Variants in HACD2 observed in about 807,000 individuals in gnomAD.
HACD2 encodes the protein 3-hydroxyacyl-CoA dehydratase 2, also known as very-long-chain (3R)-3-hydroxyacyl-CoA dehydratase 2.
In HACD2, 15 loss-of-function variants were observed where a neutral mutation model predicts 31.0. The ratio of observed to expected loss-of-function variants is 0.48; its 90% CI spans 0.32 to 0.75. HACD2 has a LOEUF of 0.75. HACD2 is among the 30% of genes least tolerant of loss of function. The pLI is 0.03. For synonymous variants in HACD2, 115 were observed against 122.2 expected (o/e 0.94, Z 0.39); for missense variants, 283 against 313.0 (o/e 0.90, Z 0.72).
At chr3:123,526,586 A>C (rs1025747116) in intron 4 of HACD2, among the ~76,000 whole-genome samples, 2 of 151,758 alleles carry the variant, frequency 1.3e-5, no homozygotes, top group Admixed American at 1.3e-4. Flanking sequence ...GCAGAAATTG[A>C]GTCACTCTGG....
intron 4 of HACD2, among the ~76,000 whole-genome samples, chr3:123,525,092 A>G (rs1239170552): frequency 6.6e-6 from 1 of 152,224 alleles, no homozygotes; most frequent in Non-Finnish European, 1.5e-5. Flanking sequence ...GATTTTCGCA[A>G]GCATCCTGCT....
chr3:123,499,603 C>A (rs1238076200), intron 6 of HACD2: 2 of 456,078 alleles, frequency 4.4e-6, no homozygotes, highest in Non-Finnish European at 8.8e-6. Flanking sequence ...CCGATGATGC[C>A]ATGCAATGAG....
At chr3:123,552,648 T>C (rs1319366509) in intron 3 of HACD2, among the ~76,000 whole-genome samples, 2 of 151,986 alleles carry the variant, frequency 1.3e-5, no homozygotes, top group African/African-American at 4.8e-5. Flanking sequence ...TTTAACACAA[T>C]AACCCAAACT....
intron 2 of HACD2, among the ~76,000 whole-genome samples, chr3:123,574,972 T>C (rs1334065297): frequency 6.6e-6 from 1 of 152,240 alleles, no homozygotes; most frequent in African/African-American, 2.4e-5. Flanking sequence ...CACTTCATTC[T>C]ATCCTGGTAA....
chr3:123,575,892 T>C (rs1369021568), intron 2 of HACD2, among the ~76,000 whole-genome samples: 1 of 152,222 alleles, frequency 6.6e-6, no homozygotes, highest in Non-Finnish European at 1.5e-5. Context: ...CTAACCATAG[T>C]GAGGTGGCCT....
At chr3:123,582,185 A>G (rs1457541633) in intron 2 of HACD2, 27 bp downstream of exon 2, 3 of 1,393,070 alleles carry the variant, frequency 2.2e-6, no homozygotes, top group South Asian at 1.3e-5. Flanking sequence ...ATGGAAATCA[A>G]TAACAACAAT....
chr3:123,554,442 AG>A lies in HACD2; in HGVS notation c.292+13319del, dbSNP rs2056653310. Reference sequence around the variant, plus strand: ...CTTGAGCCCAGGAGTCCAAGGCTAAAGTGTGCTATGATCACTTCTGTGAATA... The same window carrying A: ...CTTGAGCCCAGGAGTCCAAGGCTAAATGTGCTATGATCACTTCTGTGAATA... On this transcript the variant is annotated intron_variant, in intron 3 of 6. Coordinates refer to ENST00000383657, the MANE Select transcript of HACD2 (RefSeq NM_198402.5). 3.9e-5 allele frequency among the ~76,000 whole-genome samples: 6 copies of A among 152,152 alleles called. 1 individual carries two copies. The highest frequency in any genetic ancestry group is 1.4e-4 in the African/African-American group (6 of 41,550).
At chr3:123,503,001 C>T (rs544222213) in intron 4 of HACD2, 39 of 229,534 alleles carry the variant, frequency 1.7e-4, no homozygotes, top group Middle Eastern at 1.7e-3. Context: ...TCAGTGGTCA[C>T]GCCTGTAATC....
At chr3:123,508,174 C>A (rs922977590) in intron 4 of HACD2, among the ~76,000 whole-genome samples, 1 of 152,080 alleles carries the variant, frequency 6.6e-6, no homozygotes, top group African/African-American at 2.4e-5. Context: ...GTCATAAAGC[C>A]GTTTCAAAGT....
intron 3 of HACD2, among the ~76,000 whole-genome samples, chr3:123,529,286 G>A (rs2056323443): frequency 6.6e-6 from 1 of 152,142 alleles, no homozygotes; most frequent in Non-Finnish European, 1.5e-5. Context: ...ACTTTTGGTA[G>A]AGATAGGGCT....
At chr3:123,570,947 C>CACACACACAT (rs2056848973) in intron 2 of HACD2, among the ~76,000 whole-genome samples, 2 of 147,588 alleles carry the variant, frequency 1.4e-5, no homozygotes, top group East Asian at 1.9e-4. Flanking sequence ...CACACACATA[C>CACACACACAT]ACACACACAC....
At chr3:123,511,064 C>T (rs1173472108) in intron 4 of HACD2, among the ~76,000 whole-genome samples, 1 of 151,638 alleles carries the variant, frequency 6.6e-6, no homozygotes, top group Non-Finnish European at 1.5e-5. Context: ...TTTTCACGTG[C>T]TTATTGGCTG....
intron 4 of HACD2, among the ~76,000 whole-genome samples, chr3:123,518,367 A>T (rs1218736182): frequency 6.6e-6 from 1 of 152,218 alleles, no homozygotes; most frequent in African/African-American, 2.4e-5. Flanking sequence ...GTGAGATGGC[A>T]TGCACCCTCC....
chr3:123,495,073 C>G, intron 6 of HACD2, 103 bp from the exon 7 acceptor site: 1 of 703,032 alleles, frequency 1.4e-6, no homozygotes, highest in East Asian at 2.9e-5. Flanking sequence ...TGACTAATTT[C>G]TCATCCAGCA....
chr3:123,555,492 A>G (rs1262539185), intron 3 of HACD2, among the ~76,000 whole-genome samples: 1 of 152,204 alleles, frequency 6.6e-6, no homozygotes, highest in Non-Finnish European at 1.5e-5. Context: ...AAAATCATTT[A>G]TACTAACACC....
chr3:123,559,297 T>C (rs1054784956), intron 3 of HACD2, among the ~76,000 whole-genome samples: 2 of 152,210 alleles, frequency 1.3e-5, no homozygotes, highest in Non-Finnish European at 2.9e-5. Flanking sequence ...GTTGTGTGTG[T>C]CCTCTCTCAA....
chr3:123,496,666 GAAGTA>G (rs1405467451), intron 6 of HACD2, among the ~76,000 whole-genome samples: 2 of 152,198 alleles, frequency 1.3e-5, no homozygotes, highest in African/African-American at 4.8e-5. Context: ...CTAAAAACTG[GAAGTA>G]AAGATATAAT....
chr3:123,570,363 T>C (rs746166543), intron 2 of HACD2, among the ~76,000 whole-genome samples: 1 of 152,162 alleles, frequency 6.6e-6, no homozygotes, highest in African/African-American at 2.4e-5. Flanking sequence ...CATAGTAAAT[T>C]ATGAAAATAA....
intron 3 of HACD2, among the ~76,000 whole-genome samples, chr3:123,545,248 A>C (rs200968707): frequency 6.7e-6 from 1 of 150,276 alleles, no homozygotes; most frequent in Admixed American, 6.6e-5. Context: ...TTGGGAGGCT[A>C]AGGCAGGCAG....
Sources: allele counts gnomAD v4.1 joint callset (sites outside exome capture counted in the v4.1 genomes callset), GRCh38; gene constraint gnomAD v4.1.1; transcripts MANE v1.5; gene names NCBI Gene and HGNC (gene_info 2026-07-23, HGNC 2026-07-21).